Variants in SRP68 observed in about 807,000 individuals in gnomAD.
The protein encoded by SRP68 is signal recognition particle subunit SRP68.
SRP68 carries 15 observed loss-of-function variants against 82.2 expected under a neutral mutation model. The observed-to-expected ratio is 0.18, with a 90% CI of 0.12 to 0.28. SRP68 has a LOEUF of 0.28. Ranked by LOEUF, SRP68 falls within the 10% of genes least tolerant of loss-of-function variation. The probability of loss-of-function intolerance (pLI) is 1.00; values close to 1 mark genes in which losing one functional copy is unlikely to be tolerated. For synonymous variants in SRP68, 261 were observed against 292.6 expected, an observed-to-expected ratio of 0.89 and a Z score of 1.10; for missense variants, 595 against 780.5, an observed-to-expected ratio of 0.76 and a Z score of 2.83.
intron 15 of SRP68, 34 bp from the exon 16 acceptor site, chr17:76,039,967 C>G: frequency 1.2e-6 from 2 of 1,602,074 alleles, no homozygotes; most frequent in Non-Finnish European, 8.5e-7. Context: ...TATGTAGCAT[C>G]GGTCACAGAA....
Position 76,072,440 on chromosome 17 carries a change from C to CGCCACT in SRP68, c.46_51dup (p.Ser16_Gly17dup), listed in dbSNP as rs766696525. The CGCCACT allele has an allele frequency of 2.8e-5, 45 of 1,582,070 alleles. No individual in the cohort carries two copies. Among genetic ancestry groups the CGCCACT allele is most frequent in the Non-Finnish European group, 3.8e-5 (44 of 1,166,318 alleles). The stretch of plus-strand genomic sequence containing the variant: ...CCGCCGCCGCCACTGCCACCGCCGC[C>CGCCACT]GCCACTGCCGCCGCCGCCGCCGCCG... On this transcript the variant is annotated inframe_insertion, in exon 1 of 16. Coordinates refer to ENST00000307877, the MANE Select transcript of SRP68 (RefSeq NM_014230.4). This position sits in a 1 kb window ranked among gnomAD's most constrained non-coding sequence, Gnocchi z 4.5.
At position 76,060,537 on chromosome 17, in the gene SRP68, T is replaced by A; in HGVS notation, c.755-147A>T. ...CAATCTGTTCTCTGAAGACAAGTCT[T>A]TTATAAAGAATGAAATTGACTGGGG... is the stretch of plus-strand genomic sequence containing the variant. On this transcript the variant is annotated intron_variant, in intron 6 of 15. Coordinates refer to ENST00000307877, the MANE Select transcript of SRP68 (RefSeq NM_014230.4). The A allele has an allele frequency of 5.0e-6, 3 of 594,578 alleles. No individual in the cohort carries two copies. The South Asian group carries it at 6.6e-5, about 13-fold the overall frequency. The allele number at this position is 594,578 out of a possible 1,614,324, so 36.8% of individuals were successfully genotyped here. A position where few individuals can be genotyped will look rare whatever the true frequency, so the allele number is the denominator to read the frequency against.
At chr17:76,052,803 CA>C (rs1235799698) in intron 8 of SRP68, among the ~76,000 whole-genome samples, 409 of 76,288 alleles carry the variant, frequency 5.4e-3, no homozygotes, top group Middle Eastern at 0.02. Context: ...GACTCCATCT[CA>C]AAAAAAAAAA....
chr17:76,070,448 G>C lies in SRP68; in HGVS notation c.185-4C>G, dbSNP rs374531751. The C allele has an allele frequency of 2.5e-6, 4 of 1,613,406 alleles. No homozygotes were observed. The highest frequency in any genetic ancestry group is 1.6e-4 in the Middle Eastern group (1 of 6,082). On this transcript the variant is annotated splice_polypyrimidine_tract_variant and splice_region_variant and intron_variant, in intron 1 of 15. Coordinates refer to ENST00000307877, the MANE Select transcript of SRP68 (RefSeq NM_014230.4). ...GATTCCTTAATAATCTGAAGAACTA[G>C]AGTCGAGATTAAGGAAAATCTTACC...
Position 76,072,415 on chromosome 17 carries a change from C to T in SRP68, c.77G>A (p.Gly26Asp). 1 of 1,585,028 alleles carries T rather than the reference C, an allele frequency of 6.3e-7. No homozygotes were observed. The highest frequency in any genetic ancestry group is 1.1e-5 in the South Asian group (1 of 90,546). ...SGGGGGSGGGGSGGGRGAGGE... is the reference protein window; with the variant it reads ...SGGGGGSGGGDSGGGRGAGGE... Reference sequence around the variant, plus strand: ...TCCGGCACCACGTCCACCGCCGCTACCGCCGCCGCCACTGCCACCGCCGCC... The same window carrying T: ...TCCGGCACCACGTCCACCGCCGCTATCGCCGCCGCCACTGCCACCGCCGCC... The change falls in exon 1 of 16, where the codon GGT becomes GAT. Residue 26 changes from glycine (G) to aspartate (D), a missense_variant. This residue lies in a region of SRP68 where 100 missense variants were observed against 91.9 expected (regional missense o/e 1.09). Transcript: ENST00000307877. This position sits in a 1 kb window ranked among gnomAD's most constrained non-coding sequence, Gnocchi z 4.5.
At chr17:76,039,984 T>C in intron 15 of SRP68, 51 bp from the exon 16 acceptor site, 1 of 1,570,486 alleles carries the variant, frequency 6.4e-7, no homozygotes, top group Non-Finnish European at 8.7e-7. Flanking sequence ...AGAACACCCT[T>C]GGTGAACATT....
At chr17:76,041,215 A>C (rs2066587992) in intron 13 of SRP68, 3 of 417,256 alleles carry the variant, frequency 7.2e-6, no homozygotes, top group African/African-American at 4.1e-5. Context: ...AATATTAATA[A>C]ATTTATCATA....
At chr17:76,061,942 C>A (rs941809171) in intron 4 of SRP68, among the ~76,000 whole-genome samples, 2 of 151,536 alleles carry the variant, frequency 1.3e-5, no homozygotes, top group African/African-American at 4.9e-5. Flanking sequence ...AGTTCAAGAT[C>A]GGCCTGGGCA....
At chr17:76,048,032 T>TTC in intron 9 of SRP68, 62 bp from the exon 10 acceptor site, 2 of 1,189,814 alleles carry the variant, frequency 1.7e-6, no homozygotes, top group Non-Finnish European at 2.4e-6. Flanking sequence ...TCTGACCACC[T>TTC]CATGGAATGG....
chr17:76,050,361 G>A, intron 9 of SRP68, 67 bp downstream of exon 9: 1 of 1,174,800 alleles, frequency 8.5e-7, no homozygotes, highest in African/African-American at 1.5e-5. Context: ...GGGTCCACCT[G>A]AGAAGGGGAC....
chr17:76,066,176 C>T (rs1029439908), intron 3 of SRP68, among the ~76,000 whole-genome samples: 8 of 152,008 alleles, frequency 5.3e-5, no homozygotes, highest in Non-Finnish European at 7.4e-5. Context: ...ACCAGCCTGG[C>T]GCAGTAGCTC....
chr17:76,057,673 A>G, intron 7 of SRP68, 130 bp from the exon 8 acceptor site: 2 of 1,032,906 alleles, frequency 1.9e-6, no homozygotes, highest in East Asian at 2.6e-5. Flanking sequence ...TAGAGTATAC[A>G]CCAATTTCTT....
At chr17:76,057,676 A>G in intron 7 of SRP68, 133 bp from the exon 8 acceptor site, 1 of 1,016,032 alleles carries the variant, frequency 9.8e-7, no homozygotes. Context: ...AGTATACACC[A>G]ATTTCTTTCA....
At chr17:76,062,599 C>CATTATATATTATATAATATAT (rs2066765643) in intron 4 of SRP68, among the ~76,000 whole-genome samples, 1 of 73,338 alleles carries the variant, frequency 1.4e-5, no homozygotes, top group African/African-American at 7.4e-5. Flanking sequence ...ATATAATATA[C>CATTATATATTATATAATATAT]ATTATATATT....
At chr17:76,060,587 A>G (rs560861073) in intron 6 of SRP68, 197 bp from the exon 7 acceptor site, 107 of 543,810 alleles carry the variant, frequency 2.0e-4, no homozygotes, top group Non-Finnish European at 3.2e-4. Context: ...CATATGGTAT[A>G]TAATGGTAAA....
At chr17:76,040,345 C>G in intron 15 of SRP68, 74 bp downstream of exon 15, 2 of 1,433,894 alleles carry the variant, frequency 1.4e-6, no homozygotes, top group Non-Finnish European at 2.0e-6. Flanking sequence ...GTCCACTGCT[C>G]TATAATGAGC....
rs763058388 is a variant in SRP68 at position 76,072,497 on chromosome 17, C to A, written c.-6G>T. ...ACCTGCTTCTCAGCAGCCATCTTGCCCCTGCGCCGCAGAGCAAGACGGGAT... is the reference window on the plus strand; with the variant it reads ...ACCTGCTTCTCAGCAGCCATCTTGCACCTGCGCCGCAGAGCAAGACGGGAT... On this transcript the variant is annotated 5_prime_UTR_variant, in exon 1 of 16. Transcript: ENST00000307877. This position sits in a 1 kb window ranked among gnomAD's most constrained non-coding sequence, Gnocchi z 4.5. 6 of 1,582,340 alleles carry A rather than the reference C, an allele frequency of 3.8e-6. No homozygotes were observed. The highest frequency in any genetic ancestry group is 5.1e-6 in the Non-Finnish European group (6 of 1,172,894).
intron 4 of SRP68, among the ~76,000 whole-genome samples, chr17:76,063,450 T>C (rs4238985): frequency 0.55 from 84,102 of 151,906 alleles, 26,413 homozygotes; most frequent in African/African-American, 0.86. Context: ...CTTTGGGAGG[T>C]CAAGGCAGGT....
At chr17:76,052,855 C>T (rs1567930243) in intron 8 of SRP68, among the ~76,000 whole-genome samples, 1 of 149,120 alleles carries the variant, frequency 6.7e-6, no homozygotes. Flanking sequence ...TGCAGCAAAC[C>T]ACCATGGCAC....
Sources: allele counts gnomAD v4.1 joint callset (sites outside exome capture counted in the v4.1 genomes callset), GRCh38; gene constraint gnomAD v4.1.1; regional missense constraint gnomAD v4.1.1; non-coding constraint Gnocchi (gnomAD v3.1); transcripts MANE v1.5; gene names NCBI Gene and HGNC (gene_info 2026-07-23, HGNC 2026-07-21).